PKHD1: variants seen among roughly 807,000 people sequenced by gnomAD.
The protein encoded by PKHD1 is fibrocystin.
PKHD1 carries 291 observed loss-of-function variants against 412.0 expected under a neutral mutation model. The ratio of observed to expected loss-of-function variants is 0.71; its 90% CI spans 0.64 to 0.78. The LOEUF (loss-of-function observed/expected upper bound fraction) is 0.78, where lower values mean the gene tolerates loss of function less well. PKHD1 is among the 30% of genes least tolerant of loss of function. PKHD1 has a pLI of 0.00. For synonymous variants in PKHD1, 1,777 were observed against 1,821.5 expected, an observed-to-expected ratio of 0.98 and a Z score of 0.62; for missense variants, 4,825 against 4,950.7, an observed-to-expected ratio of 0.97 and a Z score of 0.76.
chr6:51,903,157 C>T (rs1461714516), intron 43 of PKHD1, among the ~76,000 whole-genome samples: 2 of 152,146 alleles, frequency 1.3e-5, no homozygotes, highest in Non-Finnish European at 2.9e-5. Context: ...AAAAGTGTTT[C>T]CAGAAATCCT....
chr6:52,081,493 T>C (rs1024657914), intron 4 of PKHD1, among the ~76,000 whole-genome samples: 3 of 152,002 alleles, frequency 2.0e-5, no homozygotes, highest in Non-Finnish European at 4.4e-5. Context: ...GACATATAAG[T>C]GTTATGAAAA....
intron 29 of PKHD1, among the ~76,000 whole-genome samples, chr6:52,029,934 G>A (rs867244176): frequency 5.3e-5 from 8 of 152,302 alleles, no homozygotes; most frequent in Middle Eastern, 3.4e-3. Flanking sequence ...AGATAGGGGA[G>A]GAGAAATCCA....
chr6:52,014,136 T>C (rs902773779), intron 34 of PKHD1, among the ~76,000 whole-genome samples: 1 of 152,204 alleles, frequency 6.6e-6, no homozygotes, highest in Admixed American at 6.5e-5. Context: ...CTGGGGCCAC[T>C]TTTCCTCCTT....
chr6:51,848,280 C>A (rs978293004), intron 49 of PKHD1, among the ~76,000 whole-genome samples: 1 of 152,164 alleles, frequency 6.6e-6, no homozygotes, highest in Non-Finnish European at 1.5e-5. Flanking sequence ...TGAATTGACA[C>A]GTCTCAGGTC....
chr6:51,801,193 T>A (rs1762855314), intron 52 of PKHD1, among the ~76,000 whole-genome samples: 1 of 152,160 alleles, frequency 6.6e-6, no homozygotes, highest in Admixed American at 6.5e-5. Flanking sequence ...ATTTAAATAG[T>A]CTATCATAAT....
intron 60 of PKHD1, among the ~76,000 whole-genome samples, chr6:51,663,226 C>A (rs894427969): frequency 6.6e-6 from 1 of 152,068 alleles, no homozygotes; most frequent in Non-Finnish European, 1.5e-5. Context: ...TGGCAGCTCA[C>A]TCTCCTTTTT....
chr6:51,906,316 A>T lies in PKHD1; in HGVS notation c.6707T>A (p.Val2236Glu), dbSNP rs1782083150. ...GAGGCCTCTACTGAAGGAGTTCCTCACTGTGCAGCCCTGTATGAAAGACTC... is the reference window on the plus strand; with the variant it reads ...GAGGCCTCTACTGAAGGAGTTCCTCTCTGTGCAGCCCTGTATGAAAGACTC... The part of the protein sequence containing the change: ...MRESFIQGCT[V>E]RNSFSRGLSM... The change falls in exon 41 of 67, where the codon GTG (valine) becomes GAG (glutamate). Residue 2236 changes from valine to glutamate, a missense_variant. Physicochemically the swap from Val to Glu is moderately radical, Grantham distance 121. Transcript: ENST00000371117. 1 of 1,610,746 alleles carries T rather than the reference A, an allele frequency of 6.2e-7. No individual in the cohort carries two copies. The highest frequency in any genetic ancestry group is 2.2e-5 in the East Asian group (1 of 44,846).
At chr6:51,759,711 A>C (rs535950468) in intron 55 of PKHD1, among the ~76,000 whole-genome samples, 5 of 152,256 alleles carry the variant, frequency 3.3e-5, no homozygotes, top group African/African-American at 1.2e-4. Flanking sequence ...ACACTGTGCC[A>C]GAAACTGGGC....
chr6:51,889,694 T>C (rs1239126627), intron 43 of PKHD1, among the ~76,000 whole-genome samples: 1 of 152,196 alleles, frequency 6.6e-6, no homozygotes. Flanking sequence ...GGTGCTCTGA[T>C]AGGTCTGCTG....
chr6:51,822,707 T>C (rs1318636777), intron 52 of PKHD1, among the ~76,000 whole-genome samples: 1 of 152,202 alleles, frequency 6.6e-6, no homozygotes, highest in Non-Finnish European at 1.5e-5. Flanking sequence ...CCTGAGTATA[T>C]GACTATAATG....
chr6:51,809,699 A>G (rs976223811), intron 52 of PKHD1, among the ~76,000 whole-genome samples: 8 of 151,954 alleles, frequency 5.3e-5, no homozygotes, highest in African/African-American at 1.9e-4. Context: ...TTCACATGAC[A>G]TATGAATTTT....
intron 52 of PKHD1, among the ~76,000 whole-genome samples, chr6:51,809,587 T>C (rs1321085665): frequency 6.6e-6 from 1 of 152,094 alleles, no homozygotes; most frequent in Non-Finnish European, 1.5e-5. Context: ...CTAGGCTTAC[T>C]TGAATTTATA....
At chr6:52,048,977 C>T (rs900597576) in intron 22 of PKHD1, among the ~76,000 whole-genome samples, 14 of 152,294 alleles carry the variant, frequency 9.2e-5, no homozygotes, top group South Asian at 2.1e-4. Context: ...AAGTAAAGCA[C>T]GGGTTCAAAC....
chr6:51,985,398 TACA>T (rs1335631993), intron 35 of PKHD1, among the ~76,000 whole-genome samples: 1 of 152,162 alleles, frequency 6.6e-6, no homozygotes, highest in African/African-American at 2.4e-5. Context: ...TTAAGAAATA[TACA>T]ACAACGAAAA....
chr6:52,087,498 C>G lies in PKHD1; in HGVS notation c.-149G>C, dbSNP rs150793298. 1 of 152,198 alleles carries G rather than the reference C, an allele frequency of 6.6e-6. No individual in the cohort carries two copies. Among genetic ancestry groups the G allele is most frequent in the Admixed American group, 6.5e-5 (1 of 15,286 alleles). 9.4% of individuals were successfully genotyped at this position (152,198 alleles called of 1,614,324 possible). A position where few individuals can be genotyped will look rare whatever the true frequency, so the allele number is the denominator to read the frequency against. On this transcript the variant is annotated 5_prime_UTR_variant, in exon 1 of 67. Transcript: ENST00000371117. The stretch of plus-strand genomic sequence containing the variant: ...AAATGATCCTTTCTTTCTAAGTGAT[C>G]TTATTTCTCTCTGTCAAGAATCCGT...
At position 51,619,244 on chromosome 6, in the gene PKHD1, C is replaced by T; in HGVS notation, c.12062G>A (p.Cys4021Tyr). The change falls in exon 67 of 67, where the codon TGC (cysteine) becomes TAC (tyrosine). Residue 4021 changes from cysteine to tyrosine, a missense_variant. Physicochemically the swap from Cys to Tyr is radical, Grantham distance 194. Transcript: ENST00000371117. The stretch of plus-strand genomic sequence containing the variant: ...CTGCCTCTCTTGTCTGAAGTCTGGG[C>T]ATAGCAGCAGCAGCTGATTTTGGCC... Reference protein sequence around the residue: ...LAGQNQLLLLCPDFRQERQQL... With the variant: ...LAGQNQLLLLYPDFRQERQQL... 6.2e-7 allele frequency: 1 copy of T among 1,614,282 alleles called. No individual in the cohort carries two copies. Among genetic ancestry groups the T allele is most frequent in the South Asian group, 1.1e-5 (1 of 91,090 alleles).
intron 60 of PKHD1, among the ~76,000 whole-genome samples, chr6:51,737,141 G>A (rs549643489): frequency 5.3e-5 from 8 of 152,210 alleles, no homozygotes; most frequent in African/African-American, 9.6e-5. Context: ...TTTGAAAAAT[G>A]TTCCCTACTG....
intron 60 of PKHD1, among the ~76,000 whole-genome samples, chr6:51,671,687 T>A (rs559837287): frequency 6.6e-6 from 1 of 152,290 alleles, no homozygotes; most frequent in African/African-American, 2.4e-5. Context: ...TTTTATCTAC[T>A]TTTGGTCTTT....
At chr6:51,874,704 G>T (rs977164773) in intron 46 of PKHD1, among the ~76,000 whole-genome samples, 1 of 151,862 alleles carries the variant, frequency 6.6e-6, no homozygotes, top group Non-Finnish European at 1.5e-5. Context: ...CAAGGCGGGC[G>T]GATCACGAGG....
Sources: gnomAD v4.1 joint callset for allele counts (sites outside exome capture counted in the v4.1 genomes callset) on GRCh38, gnomAD v4.1.1 for gene constraint, MANE v1.5 for transcripts, NCBI Gene and HGNC (gene_info 2026-07-23, HGNC 2026-07-21) for gene names.